The following PALLD variants were observed in gnomAD, a reference collection of about 807,000 sequenced individuals.
PALLD encodes the protein palladin.
In PALLD, 61 loss-of-function variants were observed where a neutral mutation model predicts 123.5. That is an observed-to-expected ratio of 0.49 (90% CI 0.40 to 0.61). The LOEUF (loss-of-function observed/expected upper bound fraction) is 0.61. Ranked by LOEUF, PALLD falls within the 20% of genes least tolerant of loss-of-function variation. The probability of loss-of-function intolerance (pLI) is 0.00; values close to 1 mark genes in which losing one functional copy is unlikely to be tolerated. For missense variants in PALLD, 1,273 were observed against 1,377.0 expected (o/e 0.92, Z 1.20); for synonymous variants, 465 against 496.4 (o/e 0.94, Z 0.84).
At chr4:168,562,990 G>A (rs1414022813) in intron 2 of PALLD, among the ~76,000 whole-genome samples, 1 of 152,218 alleles carries the variant, frequency 6.6e-6, no homozygotes, top group East Asian at 1.9e-4. Context: ...GTGAAAAGAA[G>A]TTGGATTTGC....
chr4:168,568,479 T>C (rs1047414704), intron 2 of PALLD, among the ~76,000 whole-genome samples: 3 of 151,994 alleles, frequency 2.0e-5, no homozygotes, highest in Non-Finnish European at 2.9e-5. Context: ...TGAGTATAAA[T>C]TGAAAAAAAT....
chr4:168,502,274 A>G (rs1247842179), intron 1 of PALLD, among the ~76,000 whole-genome samples: 1 of 152,238 alleles, frequency 6.6e-6, no homozygotes, highest in East Asian at 1.9e-4. Flanking sequence ...AAGTTTACAG[A>G]ATTCTTTGTC....
chr4:168,594,524 G>C (rs4435706), intron 2 of PALLD, among the ~76,000 whole-genome samples: 25,858 of 152,046 alleles, frequency 0.17, 2,653 homozygotes, highest in East Asian at 0.52. Context: ...ACCTTGTATA[G>C]AGCTTAATGA....
chr4:168,686,380 C>T (rs1412224031), intron 6 of PALLD, among the ~76,000 whole-genome samples: 2 of 152,084 alleles, frequency 1.3e-5, no homozygotes, highest in Non-Finnish European at 2.9e-5. Context: ...CCCCTTGTCC[C>T]CCACCTCCCG....
chr4:168,777,809 C>A (rs1245890904), intron 10 of PALLD, among the ~76,000 whole-genome samples: 1 of 152,180 alleles, frequency 6.6e-6, no homozygotes, highest in African/African-American at 2.4e-5. Flanking sequence ...ACTTTACATG[C>A]GTGGGACTCT....
At chr4:168,842,999 T>C (rs545464172) in intron 10 of PALLD, among the ~76,000 whole-genome samples, 3 of 152,254 alleles carry the variant, frequency 2.0e-5, no homozygotes, top group Non-Finnish European at 2.9e-5. Flanking sequence ...GTCCCACAAA[T>C]GTGTAGTTGT....
intron 10 of PALLD, among the ~76,000 whole-genome samples, chr4:168,782,288 G>C (rs1221589269): frequency 6.6e-6 from 1 of 152,196 alleles, no homozygotes; most frequent in Non-Finnish European, 1.5e-5. Flanking sequence ...TGTTGATGTA[G>C]AGCGAATTAT....
At chr4:168,674,031 C>A (rs1780582621) in intron 3 of PALLD, among the ~76,000 whole-genome samples, 1 of 152,066 alleles carries the variant, frequency 6.6e-6, no homozygotes, top group Non-Finnish European at 1.5e-5. Context: ...TCTTTTGCCT[C>A]AGCCTCCCAA....
chr4:168,694,784 G>A (rs1037183917), intron 8 of PALLD, among the ~76,000 whole-genome samples: 2 of 152,236 alleles, frequency 1.3e-5, no homozygotes, highest in African/African-American at 4.8e-5. Flanking sequence ...CTAGACAGAA[G>A]TCAGCTTGCA....
intron 2 of PALLD, among the ~76,000 whole-genome samples, chr4:168,633,811 A>G (rs1331764321): frequency 6.6e-6 from 1 of 152,158 alleles, no homozygotes; most frequent in Admixed American, 6.5e-5. Flanking sequence ...TTATTTGGAC[A>G]ATTTTTTTCC....
chr4:168,656,605 A>G (rs1778597072), intron 2 of PALLD, among the ~76,000 whole-genome samples: 1 of 152,160 alleles, frequency 6.6e-6, no homozygotes, highest in Non-Finnish European at 1.5e-5. Context: ...GTTTACCCGA[A>G]ACAGTTATTA....
intron 10 of PALLD, among the ~76,000 whole-genome samples, chr4:168,847,267 C>A (rs1045325760): frequency 6.6e-6 from 1 of 152,154 alleles, no homozygotes; most frequent in African/African-American, 2.4e-5. Context: ...GTACAGGCAG[C>A]TTTATTGCTA....
intron 10 of PALLD, among the ~76,000 whole-genome samples, chr4:168,810,481 C>G (rs940281038): frequency 6.6e-6 from 1 of 151,988 alleles, no homozygotes; most frequent in African/African-American, 2.4e-5. Flanking sequence ...ATGGTGAAAC[C>G]CCGTCTCTAC....
At chr4:168,706,282 T>TCAATAA (rs1480130092) in intron 8 of PALLD, among the ~76,000 whole-genome samples, 3 of 152,196 alleles carry the variant, frequency 2.0e-5, no homozygotes, top group Non-Finnish European at 4.4e-5. Flanking sequence ...TGCCCTTTAC[T>TCAATAA]TTTACCTCAA....
At position 168,586,578 on chromosome 4, in the gene PALLD, G is replaced by A. The variant is rs143530373; in HGVS notation, c.908+74166G>A. On this transcript the variant is annotated intron_variant, in intron 2 of 21. Transcript: ENST00000505667. ...ATTTCTAGAACTGCCAAGCTAAAAC[G>A]TAAGCTGAATCATTGTGCAAGTATG... 1.3e-3 allele frequency among the ~76,000 whole-genome samples: 193 copies of A among 152,236 alleles called. 1 individual carries two copies. Among genetic ancestry groups the A allele is most frequent in the African/African-American group, 4.5e-3 (186 of 41,546 alleles).
At chr4:168,603,713 C>T (rs1205550433) in intron 2 of PALLD, among the ~76,000 whole-genome samples, 1 of 152,096 alleles carries the variant, frequency 6.6e-6, no homozygotes, top group African/African-American at 2.4e-5. Context: ...AAAAATTAAG[C>T]GTTGTGCCCA....
chr4:168,756,742 C>T (rs547873552), intron 10 of PALLD, among the ~76,000 whole-genome samples: 237 of 152,158 alleles, frequency 1.6e-3, no homozygotes, highest in African/African-American at 5.3e-3. Flanking sequence ...GTAGGCAGCT[C>T]GAAATACAAA....
rs560528488 is a variant in PALLD at position 168,744,324 on chromosome 4, T to G, written c.1964+32401T>G. On this transcript the variant is annotated intron_variant, in intron 10 of 21. Coordinates refer to ENST00000505667, the MANE Select transcript of PALLD (RefSeq NM_001166108.2). ...GAGTCAGCTTGCTTAGGAATATAGA[T>G]CAGTGAGACTAAAGTATCTCTGTTG... Among the ~76,000 whole-genome samples the G allele has an allele frequency of 5.3e-5, 8 of 152,290 alleles. No homozygotes were observed. In the South Asian group the frequency reaches 1.7e-3, roughly 32 times the overall value.
At chr4:168,873,738 G>A (rs1751381516) in intron 10 of PALLD, among the ~76,000 whole-genome samples, 1 of 152,194 alleles carries the variant, frequency 6.6e-6, no homozygotes, top group Non-Finnish European at 1.5e-5. Context: ...TCACATCCAG[G>A]TTCTGCCCTT....
Sources: gnomAD v4.1 joint callset for allele counts (sites outside exome capture counted in the v4.1 genomes callset) on GRCh38, gnomAD v4.1.1 for gene constraint, MANE v1.5 for transcripts, NCBI Gene and HGNC (gene_info 2026-07-23, HGNC 2026-07-21) for gene names.